Variants in TM2D1 observed in about 807,000 individuals in gnomAD.
The protein encoded by TM2D1 is TM2 domain containing 1.
In TM2D1, 15 loss-of-function variants were observed where a neutral mutation model predicts 28.4. That is an observed-to-expected ratio of 0.53 (90% CI 0.35 to 0.81). The LOEUF is 0.81. Ranked by LOEUF, TM2D1 falls within the 40% of genes least tolerant of loss-of-function variation. The pLI is 0.01. For synonymous variants in TM2D1, 93 were observed against 96.2 expected, an observed-to-expected ratio of 0.97 and a Z score of 0.20; for missense variants, 236 against 254.9, an observed-to-expected ratio of 0.93 and a Z score of 0.50.
chr1:61,706,721 C>T lies in TM2D1; in HGVS notation c.347+2608G>A, dbSNP rs559338749. On this transcript the variant is annotated intron_variant, in intron 3 of 6. Transcript: ENST00000606498. ...TACTTGGGAGGCTGAGGCAGGAGAT[C>T]GCTTGAACCCGGGAAGGTTCAGTGA... is the stretch of plus-strand genomic sequence containing the variant. Among the ~76,000 whole-genome samples the T allele has an allele frequency of 3.4e-5, 5 of 149,018 alleles. No homozygotes were observed. The South Asian group carries it at 6.4e-4, about 19-fold the overall frequency.
intron 2 of TM2D1, among the ~76,000 whole-genome samples, chr1:61,713,267 C>T (rs759638382): frequency 4.0e-5 from 6 of 151,842 alleles, no homozygotes; most frequent in Non-Finnish European, 7.4e-5. Flanking sequence ...TGCTTGCAGC[C>T]AGGAGTTCAA....
intron 2 of TM2D1, among the ~76,000 whole-genome samples, chr1:61,719,713 T>G (rs1228173930): frequency 6.6e-6 from 1 of 152,120 alleles, no homozygotes; most frequent in Non-Finnish European, 1.5e-5. Context: ...GGGGCTGGTC[T>G]TGAACTCCTG....
rs77880711 is a variant in TM2D1 at position 61,722,682 on chromosome 1, G to A, written c.238+1031C>T. ...ATGCCTGGCCATTTAAAGGAACTTT[G>A]TAAGTAATCCTTTCCTTTGTAGTTA... On this transcript the variant is annotated intron_variant, in intron 2 of 6. Transcript: ENST00000606498. 1.4e-4 allele frequency among the ~76,000 whole-genome samples: 22 copies of A among 152,270 alleles called. No homozygotes were observed. The East Asian group carries it at 3.9e-3, about 27-fold the overall frequency.
chr1:61,684,075 CATT>C (rs1369365530), intron 5 of TM2D1, among the ~76,000 whole-genome samples: 2 of 152,082 alleles, frequency 1.3e-5, no homozygotes, highest in African/African-American at 4.8e-5. Flanking sequence ...GAGGTTGTAT[CATT>C]GACAGTCCTG....
At chr1:61,724,722 T>C (rs950260773) in intron 1 of TM2D1, among the ~76,000 whole-genome samples, 9 of 152,032 alleles carry the variant, frequency 5.9e-5, no homozygotes, top group Admixed American at 4.6e-4. Context: ...AAAAAGTGGA[T>C]CAGAAGAGGA....
At chr1:61,682,281 T>C (rs1644249897) in intron 6 of TM2D1, among the ~76,000 whole-genome samples, 1 of 152,202 alleles carries the variant, frequency 6.6e-6, no homozygotes, top group African/African-American at 2.4e-5. Flanking sequence ...CTACCCTGTC[T>C]TTCTCTCTAC....
At chr1:61,715,383 G>A (rs1376540501) in intron 2 of TM2D1, among the ~76,000 whole-genome samples, 1 of 151,894 alleles carries the variant, frequency 6.6e-6, no homozygotes, top group African/African-American at 2.4e-5. Flanking sequence ...AAAGCATACA[G>A]GCTGGGCATG....
At chr1:61,686,653 A>T in intron 5 of TM2D1, 1 of 321,754 alleles carries the variant, frequency 3.1e-6, no homozygotes, top group Non-Finnish European at 4.5e-6. Context: ...AAACAGAGTG[A>T]GGCTCTATCT....
chr1:61,709,245 C>T, intron 3 of TM2D1, 84 bp downstream of exon 3: 1 of 798,356 alleles, frequency 1.3e-6, no homozygotes, highest in Non-Finnish European at 2.1e-6. Flanking sequence ...AGGATAGTCC[C>T]CATAAATTAT....
rs948679900 is a variant in TM2D1 at position 61,683,403 on chromosome 1, T to C, written c.*19+14A>G. ...ACCACTATAAGATATTACATATATA[T>C]ATATATCACTTACTGTTTCTTTTAA... is the stretch of plus-strand genomic sequence containing the variant. On this transcript the variant is annotated intron_variant, in intron 6 of 6. Coordinates refer to ENST00000606498, the MANE Select transcript of TM2D1 (RefSeq NM_032027.3). 1.2e-5 allele frequency: 10 copies of C among 813,250 alleles called. No individual in the cohort carries two copies. Among genetic ancestry groups the C allele is most frequent in the Non-Finnish European group, 1.9e-5 (10 of 532,938 alleles). 50.4% of individuals were successfully genotyped at this position (813,250 alleles called of 1,614,324 possible). A position where few individuals can be genotyped will look rare whatever the true frequency, so the allele number is the denominator to read the frequency against.
At chr1:61,693,320 A>G (rs2148040417) in intron 5 of TM2D1, among the ~76,000 whole-genome samples, 1 of 152,350 alleles carries the variant, frequency 6.6e-6, no homozygotes, top group South Asian at 2.1e-4. Flanking sequence ...ATAATTTGAT[A>G]TAACTAAAGC....
At position 61,682,892 on chromosome 1, in the gene TM2D1, C is replaced by CAAAAAAAAAAAA. The variant is rs66468339; in HGVS notation, c.*19+513_*19+524dup. Reference sequence around the variant, plus strand: ...TGGGCAACAGAGCAAGACTCTGTCTCAAAAAAAAAAAAAAAAAAGAAAAAG... The same window carrying CAAAAAAAAAAAA: ...TGGGCAACAGAGCAAGACTCTGTCTCAAAAAAAAAAAAAAAAAAAAAAAAAAAAAAGAAAAAG... On this transcript the variant is annotated intron_variant, in intron 6 of 6. Transcript: ENST00000606498. Among the ~76,000 whole-genome samples the CAAAAAAAAAAAA allele has an allele frequency of 8.2e-5, 5 of 60,622 alleles. 1 individual carries two copies. The highest frequency in any genetic ancestry group is 1.8e-4 in the Non-Finnish European group (5 of 27,636). 39.8% of individuals were successfully genotyped at this position (60,622 alleles called of 152,430 possible). A position where few individuals can be genotyped will look rare whatever the true frequency, so the allele number is the denominator to read the frequency against.
chr1:61,713,017 A>C (rs1045774984), intron 2 of TM2D1, among the ~76,000 whole-genome samples: 1 of 152,024 alleles, frequency 6.6e-6, no homozygotes, highest in Non-Finnish European at 1.5e-5. Context: ...TAAAAAGACA[A>C]AAATCAGTGG....
chr1:61,710,858 C>T (rs1295616047), intron 2 of TM2D1, among the ~76,000 whole-genome samples: 3 of 151,924 alleles, frequency 2.0e-5, no homozygotes, highest in Non-Finnish European at 4.4e-5. Context: ...ACTGAGAAAA[C>T]GATGGTTAAA....
At chr1:61,715,034 C>T (rs1417824301) in intron 2 of TM2D1, among the ~76,000 whole-genome samples, 2 of 152,158 alleles carry the variant, frequency 1.3e-5, no homozygotes, top group East Asian at 1.9e-4. Context: ...GAGGTACCAT[C>T]GTGACGGGAA....
At chr1:61,683,089 C>A (rs1298763357) in intron 6 of TM2D1, among the ~76,000 whole-genome samples, 1 of 152,044 alleles carries the variant, frequency 6.6e-6, no homozygotes, top group Non-Finnish European at 1.5e-5. Flanking sequence ...GAGGGATGGG[C>A]AGCAGAAATA....
In TM2D1 at chr1:61,681,329, T is replaced by A. The variant is rs1644242309; in HGVS notation, c.*41A>T. The A allele has an allele frequency of 6.6e-6, 1 of 152,242 alleles. No homozygotes were observed. Among genetic ancestry groups the A allele is most frequent in the Admixed American group, 6.5e-5 (1 of 15,270 alleles). The allele number at this position is 152,242 out of a possible 1,614,324, so 9.4% of individuals were successfully genotyped here. On this transcript the variant is annotated 3_prime_UTR_variant, in exon 7 of 7. Transcript: ENST00000606498. The stretch of plus-strand genomic sequence containing the variant: ...AATCCATACACTAGAAGTTCTCTAT[T>A]AAAATCAAGGAGGCTCAAATCCTAA...
chr1:61,706,324 C>T (rs1049002627), intron 3 of TM2D1, among the ~76,000 whole-genome samples: 6 of 152,094 alleles, frequency 3.9e-5, no homozygotes, highest in Admixed American at 1.3e-4. Flanking sequence ...CCACCTCAGC[C>T]TCTCGAGTAG....
At chr1:61,702,373 T>C (rs1416600570) in intron 3 of TM2D1, among the ~76,000 whole-genome samples, 1 of 149,386 alleles carries the variant, frequency 6.7e-6, no homozygotes, top group Non-Finnish European at 1.5e-5. Flanking sequence ...TTCAATTTTA[T>C]TTCTTTTTTT....
Sources: allele counts gnomAD v4.1 joint callset (sites outside exome capture counted in the v4.1 genomes callset), GRCh38; gene constraint gnomAD v4.1.1; transcripts MANE v1.5; gene names NCBI Gene and HGNC (gene_info 2026-07-23, HGNC 2026-07-21).